The following CXCL14 variants were observed in gnomAD, a reference collection of about 807,000 sequenced individuals.
CXCL14 encodes C-X-C motif chemokine ligand 14, also known as C-X-C motif chemokine 14.
Under a neutral mutation model 16.1 loss-of-function variants are expected in CXCL14, and 9 were observed. The observed-to-expected ratio is 0.56, with a 90% CI of 0.34 to 0.97. The LOEUF (loss-of-function observed/expected upper bound fraction) is 0.97, where lower values mean the gene tolerates loss of function less well. Among genes scored for constraint, CXCL14 ranks in the 50% least tolerant of loss-of-function variants. The pLI, the probability that CXCL14 is intolerant of heterozygous loss-of-function variation, is 0.02. For synonymous variants in CXCL14, 55 were observed against 52.8 expected (o/e 1.04, Z -0.18); for missense variants, 111 against 132.5 (o/e 0.84, Z 0.80).
chr5:135,578,807 A>C lies in CXCL14; in HGVS notation c.-29T>G. 1 of 1,531,302 alleles carries C rather than the reference A, an allele frequency of 6.5e-7. No individual in the cohort carries two copies. The highest frequency in any genetic ancestry group is 8.8e-7 in the Non-Finnish European group (1 of 1,142,016). 94.9% of individuals were successfully genotyped at this position (1,531,302 alleles called of 1,614,324 possible). A position where few individuals can be genotyped will look rare whatever the true frequency, so the allele number is the denominator to read the frequency against. On this transcript the variant is annotated 5_prime_UTR_variant, in exon 1 of 4. Transcript: ENST00000512158. Reference sequence around the variant, plus strand: ...GACCGGAGGGGCGCGGCGTGGGAGCAGGGACATGGGGAGGGCGCTGGCCCG... The same window carrying C: ...GACCGGAGGGGCGCGGCGTGGGAGCCGGGACATGGGGAGGGCGCTGGCCCG...
At position 135,573,965 on chromosome 5, in the gene CXCL14, T is replaced by C. The variant is rs139991211; in HGVS notation, c.284+607A>G. Among the ~76,000 whole-genome samples, 422 of 152,276 alleles carry C rather than the reference T, an allele frequency of 2.8e-3. 1 individual carries two copies. The highest frequency in any genetic ancestry group is 9.9e-3 in the African/African-American group (410 of 41,542). On this transcript the variant is annotated intron_variant, in intron 3 of 3. Coordinates refer to ENST00000512158, the MANE Select transcript of CXCL14 (RefSeq NM_004887.5). ...GGCTGGTTCAGGGTGCTGGTGGTCT[T>C]AACACTGCTGCCCGCCTTGGTTAAC... is the stretch of plus-strand genomic sequence containing the variant.
rs908499420 is a variant in CXCL14, at chr5:135,571,679, C to T, written c.*174G>A. ...GCAGCTATAAAATGTAAAAACTGAC[C>T]GTTGGTAAAAAGTGCTTCATAACAA... On this transcript the variant is annotated 3_prime_UTR_variant, in exon 4 of 4. Coordinates refer to ENST00000512158, the MANE Select transcript of CXCL14 (RefSeq NM_004887.5). The T allele has an allele frequency of 9.7e-5, 60 of 616,330 alleles. No individual in the cohort carries two copies. The highest frequency in any genetic ancestry group is 6.4e-4 in the African/African-American group (33 of 51,352). The allele number at this position is 616,330 out of a possible 1,614,324, so 38.2% of individuals were successfully genotyped here.
Position 135,571,652 on chromosome 5 carries a change from A to C in CXCL14, c.*201T>G. 1 of 544,536 alleles carries C rather than the reference A, an allele frequency of 1.8e-6. No individual in the cohort carries two copies. 33.7% of individuals were successfully genotyped at this position (544,536 alleles called of 1,614,324 possible). A position where few individuals can be genotyped will look rare whatever the true frequency, so the allele number is the denominator to read the frequency against. On this transcript the variant is annotated 3_prime_UTR_variant, in exon 4 of 4. Coordinates refer to ENST00000512158, the MANE Select transcript of CXCL14 (RefSeq NM_004887.5). ...GGTCTCCCATCTGGAAGCCTTTCGCACGCAGCTATAAAATGTAAAAACTGA... is the reference window on the plus strand; with the variant it reads ...GGTCTCCCATCTGGAAGCCTTTCGCCCGCAGCTATAAAATGTAAAAACTGA...
At chr5:135,575,220 GC>G (rs1279621911) in intron 2 of CXCL14, among the ~76,000 whole-genome samples, 1 of 152,148 alleles carries the variant, frequency 6.6e-6, no homozygotes, top group Admixed American at 6.5e-5. Flanking sequence ...TTGTCCCAGG[GC>G]TGGGCATCTC....
intron 2 of CXCL14, among the ~76,000 whole-genome samples, chr5:135,577,034 TC>T (rs1751111730): frequency 6.6e-6 from 1 of 152,160 alleles, no homozygotes; most frequent in Admixed American, 6.5e-5. Context: ...AAAGCCTTTC[TC>T]ACACTTGCCT....
In CXCL14 at chr5:135,578,546, G is replaced by A. The variant is rs1751156409; in HGVS notation, c.65-7C>T. 4.3e-6 allele frequency: 7 copies of A among 1,613,750 alleles called. No homozygotes were observed. In the East Asian group the frequency reaches 1.6e-4, roughly 36 times the overall value. ...GAGCACTTGCATTTGGACCCTGCGA[G>A]CGAGCGCGGGGCAACGGCTTAGTTG... is the stretch of plus-strand genomic sequence containing the variant. On this transcript the variant is annotated splice_polypyrimidine_tract_variant and splice_region_variant and intron_variant, in intron 1 of 3. Coordinates refer to ENST00000512158, the MANE Select transcript of CXCL14 (RefSeq NM_004887.5).
chr5:135,578,495 T>C lies in CXCL14; in HGVS notation c.109A>G (p.Ser37Gly). Reference sequence around the variant, plus strand: ...TTCATTTCCAGCTTCTTCACGTCGCTGTAGCGGATCTTGGGTCCCTTCCGG... The same window carrying C: ...TTCATTTCCAGCTTCTTCACGTCGCCGTAGCGGATCTTGGGTCCCTTCCGG... ...CSRKGPKIRY[S>G]DVKKLEMKPK... Residue 37 changes from serine to glycine, a missense_variant, in exon 2 of 4, where the codon AGC (serine) becomes GGC (glycine). Transcript: ENST00000512158. 1.2e-6 allele frequency: 2 copies of C among 1,614,224 alleles called. No homozygotes were observed. Among genetic ancestry groups the C allele is most frequent in the Non-Finnish European group, 1.7e-6 (2 of 1,180,036 alleles).
chr5:135,574,576 G>T lies in CXCL14; in HGVS notation c.280C>A (p.Arg94Ser). The T allele has an allele frequency of 6.2e-7, 1 of 1,611,922 alleles. No homozygotes were observed. Among genetic ancestry groups the T allele is most frequent in the South Asian group, 1.1e-5 (1 of 90,942 alleles). The change falls in exon 3 of 4, where the codon CGC (arginine) becomes AGC (serine). Residue 94 changes from arginine to serine, a missense_variant. By Grantham distance (110) the Arg-to-Ser change is moderately radical. Transcript: ENST00000512158. ...GTGAGTAGAGGCGGGGCGTACCTGC[G>T]CTTCTCGTTCCAGGCGTTGTACCAC... Reference protein sequence around the residue: ...IKWYNAWNEKRRVYEE With the variant: ...IKWYNAWNEKSRVYEE
At position 135,571,672 on chromosome 5, in the gene CXCL14, A is replaced by G. The variant is rs780763106; in HGVS notation, c.*181T>C. 4.6e-5 allele frequency: 28 copies of G among 603,034 alleles called. No individual in the cohort carries two copies. The highest frequency in any genetic ancestry group is 6.2e-5 in the Non-Finnish European group (23 of 369,938). The allele number at this position is 603,034 out of a possible 1,614,324, so 37.4% of individuals were successfully genotyped here. Reference sequence around the variant, plus strand: ...TTCGCACGCAGCTATAAAATGTAAAAACTGACCGTTGGTAAAAAGTGCTTC... The same window carrying G: ...TTCGCACGCAGCTATAAAATGTAAAGACTGACCGTTGGTAAAAAGTGCTTC... On this transcript the variant is annotated 3_prime_UTR_variant, in exon 4 of 4. Transcript: ENST00000512158.
chr5:135,574,889 G>A (rs17168627), intron 2 of CXCL14, among the ~76,000 whole-genome samples: 9,600 of 152,188 alleles, frequency 0.063, 1,042 homozygotes, highest in African/African-American at 0.22. Context: ...CTGACTCCAT[G>A]TTAGGGCCTA....
At chr5:135,577,137 A>AG (rs1206420037) in intron 2 of CXCL14, among the ~76,000 whole-genome samples, 1 of 152,184 alleles carries the variant, frequency 6.6e-6, no homozygotes, top group Non-Finnish European at 1.5e-5. Context: ...GTATCACTGC[A>AG]TCCTTTACCC....
In CXCL14 at chr5:135,578,527, T is replaced by C. The variant is rs914174075; in HGVS notation, c.77A>G (p.Lys26Arg). Residue 26 changes from lysine (K) to arginine (R), a missense_variant, in exon 2 of 4, where the codon AAG (lysine) becomes AGG (arginine). Physicochemically the swap from Lys to Arg is conservative, Grantham distance 26. Transcript: ENST00000512158. ...GATCTTGGGTCCCTTCCGGGAGCAC[T>C]TGCATTTGGACCCTGCGAGCGAGCG... is the stretch of plus-strand genomic sequence containing the variant. ...YTARVDGSKC[K>R]CSRKGPKIRY... is the part of the protein sequence containing the mutation. 1.2e-6 allele frequency: 2 copies of C among 1,614,100 alleles called. No homozygotes were observed. Among genetic ancestry groups the C allele is most frequent in the Admixed American group, 1.7e-5 (1 of 60,008 alleles).
Position 135,570,942 on chromosome 5 carries a change from A to G in CXCL14, c.*911T>C, listed in dbSNP as rs1330034076. The G allele has an allele frequency of 6.6e-6, 1 of 152,220 alleles. No individual in the cohort carries two copies. The highest frequency in any genetic ancestry group is 1.5e-5 in the Non-Finnish European group (1 of 68,034). 9.4% of individuals were successfully genotyped at this position (152,220 alleles called of 1,614,324 possible). On this transcript the variant is annotated 3_prime_UTR_variant, in exon 4 of 4. Coordinates refer to ENST00000512158, the MANE Select transcript of CXCL14 (RefSeq NM_004887.5). ...TGGGGAATCACAAATATATTGCTTTAGTACTGCATGTTCTGTTGTGGTGAG... is the reference window on the plus strand; with the variant it reads ...TGGGGAATCACAAATATATTGCTTTGGTACTGCATGTTCTGTTGTGGTGAG...
chr5:135,570,763 T>C lies in CXCL14; in HGVS notation c.*1090A>G, dbSNP rs1382895218. ...CATGCAATGCTAATGGTTTCTGACA[T>C]GTACATAGCATATAACACAGCAGTA... is the stretch of plus-strand genomic sequence containing the variant. On this transcript the variant is annotated 3_prime_UTR_variant, in exon 4 of 4. Coordinates refer to ENST00000512158, the MANE Select transcript of CXCL14 (RefSeq NM_004887.5). The C allele has an allele frequency of 6.6e-6, 1 of 151,904 alleles. No homozygotes were observed. The highest frequency in any genetic ancestry group is 2.4e-5 in the African/African-American group (1 of 41,318). The allele number at this position is 151,904 out of a possible 1,614,324, so 9.4% of individuals were successfully genotyped here.
chr5:135,578,095 T>C (rs904714610), intron 2 of CXCL14, among the ~76,000 whole-genome samples: 3 of 152,176 alleles, frequency 2.0e-5, no homozygotes, highest in Non-Finnish European at 4.4e-5. Flanking sequence ...GTGATTTCAG[T>C]CTAGGTTTTC....
rs538344883 is a variant in CXCL14, at chr5:135,571,539, A to T, written c.*314T>A. ...TATAGTGACGTATGGACAAATACAA[A>T]AAAGCATTTTTTAAAAAGGAAAGGC... On this transcript the variant is annotated 3_prime_UTR_variant, in exon 4 of 4. Transcript: ENST00000512158. 1 of 380,658 alleles carries T rather than the reference A, an allele frequency of 2.6e-6. No individual in the cohort carries two copies. The highest frequency in any genetic ancestry group is 4.4e-5 in the Admixed American group (1 of 22,528). 23.6% of individuals were successfully genotyped at this position (380,658 alleles called of 1,614,324 possible).
chr5:135,574,455 TGTG>T, intron 3 of CXCL14, 114 bp downstream of exon 3: 1 of 723,706 alleles, frequency 1.4e-6, no homozygotes, highest in Non-Finnish European at 2.4e-6. Flanking sequence ...CTGTGGATGT[TGTG>T]GTGGGTGTTC....
In CXCL14 at chr5:135,578,959, T is replaced by C; in HGVS notation, c.-181A>G. 1 of 603,074 alleles carries C rather than the reference T, an allele frequency of 1.7e-6. No individual in the cohort carries two copies. Among genetic ancestry groups the C allele is most frequent in the Non-Finnish European group, 2.7e-6 (1 of 373,298 alleles). 37.4% of individuals were successfully genotyped at this position (603,074 alleles called of 1,614,324 possible). ...CCCAGGGCTGTCTGTGGCCGTGCGC[T>C]GCGCTCTGCGCTTGTCTCCGCGCTC... is the stretch of plus-strand genomic sequence containing the variant. On this transcript the variant is annotated 5_prime_UTR_variant, in exon 1 of 4. Coordinates refer to ENST00000512158, the MANE Select transcript of CXCL14 (RefSeq NM_004887.5).
In CXCL14 at chr5:135,578,484, C is replaced by G; in HGVS notation, c.120G>C (p.Lys40Asn). The change falls in exon 2 of 4, where the codon AAG becomes AAC. Residue 40 changes from lysine to asparagine, a missense_variant. Coordinates refer to ENST00000512158, the MANE Select transcript of CXCL14 (RefSeq NM_004887.5). ...GGTACTTTGGCTTCATTTCCAGCTT[C>G]TTCACGTCGCTGTAGCGGATCTTGG... ...KGPKIRYSDV[K>N]KLEMKPKYPH... 1 of 1,614,230 alleles carries G rather than the reference C, an allele frequency of 6.2e-7. No individual in the cohort carries two copies.
Sources: allele counts gnomAD v4.1 joint callset (sites outside exome capture counted in the v4.1 genomes callset), GRCh38; gene constraint gnomAD v4.1.1; transcripts MANE v1.5; gene names NCBI Gene and HGNC (gene_info 2026-07-23, HGNC 2026-07-21).